Variants in ELSPBP1 observed in about 807,000 individuals in gnomAD.
ELSPBP1 encodes the protein epididymal sperm binding protein 1, also known as epididymal sperm-binding protein 1.
A neutral mutation model predicts 33.3 loss-of-function variants in ELSPBP1; 38 were observed. The ratio of observed to expected loss-of-function variants is 1.14; its 90% CI spans 0.88 to 1.50. The LOEUF (loss-of-function observed/expected upper bound fraction) is 1.50. Among genes scored for constraint, ELSPBP1 ranks in the 40% most tolerant of loss-of-function variants. The pLI, the probability that ELSPBP1 is intolerant of heterozygous loss-of-function variation, is 0.00. For missense variants in ELSPBP1, 267 were observed against 263.5 expected (o/e 1.01, Z -0.09); for synonymous variants, 85 against 94.1 (o/e 0.90, Z 0.56).
chr19:48,023,027 G>A (rs1967219362), intron 6 of ELSPBP1, among the ~76,000 whole-genome samples: 1 of 151,814 alleles, frequency 6.6e-6, no homozygotes, highest in Non-Finnish European at 1.5e-5. Context: ...CTGGGGAACA[G>A]AGTGAGACCT....
intron 4 of ELSPBP1, among the ~76,000 whole-genome samples, chr19:48,018,797 A>T (rs55826708): frequency 0.024 from 3,541 of 148,066 alleles, 64 homozygotes; most frequent in Non-Finnish European, 0.038. Context: ...AAAGGAAATT[A>T]AAAAAAAAAG....
chr19:48,010,892 A>G (rs1476677234), intron 2 of ELSPBP1, among the ~76,000 whole-genome samples: 1 of 151,812 alleles, frequency 6.6e-6, no homozygotes, highest in Non-Finnish European at 1.5e-5. Context: ...CTTACTAACG[A>G]CTCCCAAAGA....
At chr19:48,017,172 A>G (rs1476547476) in intron 4 of ELSPBP1, among the ~76,000 whole-genome samples, 1 of 152,206 alleles carries the variant, frequency 6.6e-6, no homozygotes, top group East Asian at 1.9e-4. Context: ...ATATAGTTCC[A>G]AAGCCCATGC....
chr19:48,006,895 A>G (rs572372076), intron 1 of ELSPBP1, among the ~76,000 whole-genome samples: 2 of 152,212 alleles, frequency 1.3e-5, no homozygotes, highest in South Asian at 4.2e-4. Flanking sequence ...AAAAAGGGAG[A>G]AAGACACTTT....
At chr19:48,016,553 TTCC>T (rs1568407544) in intron 4 of ELSPBP1, among the ~76,000 whole-genome samples, 1 of 117,090 alleles carries the variant, frequency 8.5e-6, no homozygotes, top group Non-Finnish European at 1.9e-5. Flanking sequence ...CCTTCCTTCC[TTCC>T]TTCCTTCCTT....
intron 4 of ELSPBP1, among the ~76,000 whole-genome samples, chr19:48,016,560 CTT>C (rs1967144018): frequency 1.1e-5 from 1 of 90,802 alleles, no homozygotes; most frequent in Admixed American, 1.1e-4. Context: ...TCCTTCCTTC[CTT>C]CCTTCCTCCC....
chr19:48,012,749 C>A (rs1464658752), intron 2 of ELSPBP1, among the ~76,000 whole-genome samples: 1 of 152,138 alleles, frequency 6.6e-6, no homozygotes, highest in East Asian at 1.9e-4. Context: ...TGGGTACCAC[C>A]AGTACTATTA....
At chr19:48,001,631 A>T (rs374376329) in intron 1 of ELSPBP1, among the ~76,000 whole-genome samples, 1 of 145,416 alleles carries the variant, frequency 6.9e-6, no homozygotes, top group Non-Finnish European at 1.5e-5. Context: ...CAGCCTCAAA[A>T]CCCTGGGTGC....
chr19:48,021,140 C>T (rs73567222), intron 5 of ELSPBP1, among the ~76,000 whole-genome samples: 5,348 of 152,190 alleles, frequency 0.035, 308 homozygotes, highest in African/African-American at 0.12. Context: ...GCAAATGTGC[C>T]TACTCGCTAA....
Sources: allele counts gnomAD v4.1 joint callset (sites outside exome capture counted in the v4.1 genomes callset), GRCh38; gene constraint gnomAD v4.1.1; transcripts MANE v1.5; gene names NCBI Gene and HGNC (gene_info 2026-07-23, HGNC 2026-07-21).